BPTF: variants seen among roughly 807,000 people sequenced by gnomAD.
BPTF encodes bromodomain PHD finger transcription factor.
Under a neutral mutation model 292.5 loss-of-function variants are expected in BPTF, and 18 were observed. The ratio of observed to expected loss-of-function variants is 0.06; its 90% confidence interval spans 0.04 to 0.09. BPTF has a LOEUF of 0.09. BPTF is among the 10% of genes least tolerant of loss of function. BPTF has a pLI of 1.00. For synonymous variants in BPTF, 1,225 were observed against 1,251.9 expected, an observed-to-expected ratio of 0.98 and a Z score of 0.45; for missense variants, 2,726 against 3,498.7, an observed-to-expected ratio of 0.78 and a Z score of 5.57.
chr17:67,899,698 T>G (rs1044294536), intron 7 of BPTF, among the ~76,000 whole-genome samples: 10 of 151,964 alleles, frequency 6.6e-5, no homozygotes, highest in Non-Finnish European at 2.9e-5. Flanking sequence ...GACCAGCTAA[T>G]TTTTGTATTT....
chr17:67,968,843 G>C (rs571107409), intron 26 of BPTF, among the ~76,000 whole-genome samples: 1 of 150,996 alleles, frequency 6.6e-6, no homozygotes, highest in Non-Finnish European at 1.5e-5. Flanking sequence ...TTAGCCCGGC[G>C]TGGTGGCACA....
rs1338073549 is a variant in BPTF, at chr17:67,866,484, A to G, written c.1457A>G (p.Glu486Gly). The change falls in exon 3 of 28, where the codon GAA (glutamate) becomes GGA (glycine). Residue 486 changes from glutamate to glycine, a missense_variant. Transcript: ENST00000306378. ...AACAGAGAAGAAGATACAGAAAATG[A>G]AAATGAAAAGAAAATTTGGTATTAC... ...RLIIEEDTEN[E>G]NEKKIWYYST... The G allele has an allele frequency of 1.2e-6, 2 of 1,611,522 alleles. No homozygotes were observed. Among genetic ancestry groups the G allele is most frequent in the South Asian group, 2.2e-5 (2 of 91,006 alleles).
intron 11 of BPTF, among the ~76,000 whole-genome samples, chr17:67,915,894 C>A (rs967620865): frequency 2.0e-5 from 3 of 152,170 alleles, no homozygotes; most frequent in African/African-American, 7.2e-5. Context: ...CTTGAATGAG[C>A]AGACTTACCG....
chr17:67,878,445 A>G (rs1336600279), intron 4 of BPTF, among the ~76,000 whole-genome samples: 2 of 152,290 alleles, frequency 1.3e-5, no homozygotes, highest in Non-Finnish European at 2.9e-5. Flanking sequence ...GTTTATGCTC[A>G]TCTTTGGTAG....
At position 67,854,094 on chromosome 17, in the gene BPTF, T is replaced by C. The variant is rs147366402; in HGVS notation, c.768T>C (p.Phe256=). 1 of 1,614,116 alleles carries C rather than the reference T, an allele frequency of 6.2e-7. No homozygotes were observed. The highest frequency in any genetic ancestry group is 8.5e-7 in the Non-Finnish European group (1 of 1,180,052). The part of the protein sequence containing the change: ...VIAIYEVLRN[F]GTVLRLSPFR... Reference sequence around the variant, plus strand: ...CCATTTACGAGGTACTGCGGAACTTTGGCACTGTTTTGAGATTATCTCCTT... The same window carrying C: ...CCATTTACGAGGTACTGCGGAACTTCGGCACTGTTTTGAGATTATCTCCTT... Residue 256 remains phenylalanine (F), a synonymous_variant, in exon 2 of 28, where the codon TTT becomes TTC. Coordinates refer to ENST00000306378, the MANE Select transcript of BPTF (RefSeq NM_182641.4). This position sits in a 1 kb window ranked among gnomAD's most constrained non-coding sequence, Gnocchi z 5.6.
At chr17:67,859,616 G>A (rs1183361700) in intron 2 of BPTF, among the ~76,000 whole-genome samples, 1 of 152,170 alleles carries the variant, frequency 6.6e-6, no homozygotes, top group Non-Finnish European at 1.5e-5. Context: ...ATTTTATACT[G>A]TAGTCTAGTT....
chr17:67,913,237 T>C (rs2062763247), intron 11 of BPTF, 50 bp downstream of exon 11: 1 of 1,506,570 alleles, frequency 6.6e-7, no homozygotes. Flanking sequence ...TTAAAAAGAA[T>C]TATCTCACAA....
At chr17:67,875,080 GT>G in intron 4 of BPTF, 60 bp downstream of exon 4, 2 of 1,434,798 alleles carry the variant, frequency 1.4e-6, no homozygotes, top group Non-Finnish European at 9.6e-7. Flanking sequence ...GAAATCTCCA[GT>G]TTTACTTGCA....
At chr17:67,882,065 C>G (rs551163024) in intron 4 of BPTF, among the ~76,000 whole-genome samples, 1 of 151,946 alleles carries the variant, frequency 6.6e-6, no homozygotes, top group East Asian at 1.9e-4. Flanking sequence ...GAACTCCTGA[C>G]CTCAGGTGAT....
chr17:67,982,771 T>C lies in BPTF; in HGVS notation c.*483T>C, dbSNP rs2070564184. On this transcript the variant is annotated 3_prime_UTR_variant, in exon 28 of 28. Transcript: ENST00000306378. ...TATAAAATCCAGCCCCGGTTACATATAATCATCTGTATCTTATCATGATTC... is the reference window on the plus strand; with the variant it reads ...TATAAAATCCAGCCCCGGTTACATACAATCATCTGTATCTTATCATGATTC... The C allele has an allele frequency of 6.5e-6, 1 of 153,498 alleles. No individual in the cohort carries two copies. Among genetic ancestry groups the C allele is most frequent in the Non-Finnish European group, 1.5e-5 (1 of 68,706 alleles). The allele number at this position is 153,498 out of a possible 1,614,324, so 9.5% of individuals were successfully genotyped here. A position where few individuals can be genotyped will look rare whatever the true frequency, so the allele number is the denominator to read the frequency against.
At chr17:67,869,534 T>A (rs2059582264) in intron 3 of BPTF, among the ~76,000 whole-genome samples, 1 of 152,188 alleles carries the variant, frequency 6.6e-6, no homozygotes. Flanking sequence ...AAATTCTTCT[T>A]CCTCTAAATA....
At position 67,903,834 on chromosome 17, in the gene BPTF, C is replaced by A. The variant is rs78216963; in HGVS notation, c.2589C>A (p.Val863=). 8.2e-4 allele frequency: 1,272 copies of A among 1,543,302 alleles called. 9 individuals are homozygous for A. The African/African-American group carries it at 0.016, about 19-fold the overall frequency. Residue 863 remains valine (V), a synonymous_variant, in exon 8 of 28, where the codon GTC becomes GTA. Transcript: ENST00000306378. The stretch of plus-strand genomic sequence containing the variant: ...TTGAAAGAGAAGAAAAGGAGAAAGT[C>A]AAAAAAAAAGAGAAGAAACAGGAAG... ...TSIEREEKEK[V]KKKEKKQEEE...
chr17:67,907,194 A>AC (rs1187379573), intron 9 of BPTF, among the ~76,000 whole-genome samples: 1 of 151,710 alleles, frequency 6.6e-6, no homozygotes, highest in Non-Finnish European at 1.5e-5. Flanking sequence ...CCAAAAAAAA[A>AC]AAAAAAACCT....
chr17:67,857,718 C>T (rs1442897923), intron 2 of BPTF, among the ~76,000 whole-genome samples: 5 of 151,586 alleles, frequency 3.3e-5, no homozygotes, highest in African/African-American at 9.7e-5. Flanking sequence ...CTGCCCTTCT[C>T]GGCCTCTCAA....
chr17:67,928,725 C>T (rs2064120779), intron 16 of BPTF, 124 bp downstream of exon 16: 4 of 1,232,994 alleles, frequency 3.2e-6, no homozygotes, highest in Non-Finnish European at 4.4e-6. Flanking sequence ...GTTGAGCAAA[C>T]AAGCTGTAAC....
intron 1 of BPTF, among the ~76,000 whole-genome samples, chr17:67,839,187 T>A (rs1567870354): frequency 1.6e-4 from 24 of 151,400 alleles, no homozygotes; most frequent in African/African-American, 5.7e-4. Flanking sequence ...AAAGCAATGT[T>A]AAATGTTAGT....
In BPTF at chr17:67,912,282, T is replaced by G; in HGVS notation, c.4398T>G (p.Ile1466Met). 1 of 1,613,760 alleles carries G rather than the reference T, an allele frequency of 6.2e-7. No homozygotes were observed. The highest frequency in any genetic ancestry group is 1.1e-5 in the South Asian group (1 of 91,068). ...TVKESAIRPF[I>M]NGDVIMEDFN... ...AAGAATCTGCTATAAGGCCATTCAT[T>G]AATGGTGATGTCATCATGGAAGATT... Residue 1466 changes from isoleucine (I) to methionine (M), a missense_variant, in exon 11 of 28, where the codon ATT becomes ATG. Around this residue, in one of 22 missense-constraint regions of BPTF, gnomAD observed 713 missense variants for 714.9 expected, o/e 1.00. Transcript: ENST00000306378.
At chr17:67,835,956 T>C (rs1430923530) in intron 1 of BPTF, among the ~76,000 whole-genome samples, 2 of 152,108 alleles carry the variant, frequency 1.3e-5, no homozygotes, top group African/African-American at 2.4e-5. Flanking sequence ...TGAGCCACCA[T>C]GCCTGGCCCA....
At position 67,885,783 on chromosome 17, in the gene BPTF, G is replaced by A. The variant is rs77661970; in HGVS notation, c.1865-6061G>A. ...GCAAACTACCTCTGCAATATCTGGCGCACTGTAAGTTTTGAGAGATAGTCA... is the reference window on the plus strand; with the variant it reads ...GCAAACTACCTCTGCAATATCTGGCACACTGTAAGTTTTGAGAGATAGTCA... On this transcript the variant is annotated intron_variant, in intron 4 of 27. Coordinates refer to ENST00000306378, the MANE Select transcript of BPTF (RefSeq NM_182641.4). Among the ~76,000 whole-genome samples the A allele has an allele frequency of 3.8e-3, 575 of 152,232 alleles. 3 individuals carry two copies. The highest frequency in any genetic ancestry group is 0.011 in the African/African-American group (454 of 41,536).
Sources: gnomAD v4.1 joint callset for allele counts (sites outside exome capture counted in the v4.1 genomes callset) on GRCh38, gnomAD v4.1.1 for gene constraint, gnomAD v4.1.1 regional missense constraint, Gnocchi (gnomAD v3.1) non-coding constraint, MANE v1.5 for transcripts, NCBI Gene and HGNC (gene_info 2026-07-23, HGNC 2026-07-21) for gene names.